The following TIAM2 variants were observed in gnomAD, a reference collection of about 807,000 sequenced individuals.
TIAM2 encodes TIAM Rac1 associated GEF 2, also known as rho guanine nucleotide exchange factor TIAM2.
In TIAM2, 80 loss-of-function variants were observed where a neutral mutation model predicts 152.9. The observed-to-expected ratio is 0.52, with a 90% CI of 0.44 to 0.63. The LOEUF is 0.63. Among genes scored for constraint, TIAM2 ranks in the 30% least tolerant of loss-of-function variants. The pLI, the probability that TIAM2 is intolerant of heterozygous loss-of-function variation, is 0.00. For missense variants in TIAM2, 1,965 were observed against 2,120.1 expected, an observed-to-expected ratio of 0.93 and a Z score of 1.44; for synonymous variants, 804 against 838.0, an observed-to-expected ratio of 0.96 and a Z score of 0.70.
At chr6:155,130,810 C>G (rs1183318426) in intron 4 of TIAM2, among the ~76,000 whole-genome samples, 1 of 152,164 alleles carries the variant, frequency 6.6e-6, no homozygotes, top group Non-Finnish European at 1.5e-5. Context: ...CTCACTGTGT[C>G]CTCATGCGGC....
At chr6:155,180,573 A>G (rs569769128) in intron 12 of TIAM2, among the ~76,000 whole-genome samples, 15 of 152,230 alleles carry the variant, frequency 9.9e-5, no homozygotes, top group African/African-American at 2.9e-4. Flanking sequence ...AAAAATTTGT[A>G]TAATCTTTTC....
rs887038821 is a variant in TIAM2, at chr6:155,153,001, T to G, written c.2028+4667T>G. The stretch of plus-strand genomic sequence containing the variant: ...GGTTACTTGAACATAAACCCTTACA[T>G]AAATCCAGGGGTCTGGATGGTCAGG... On this transcript the variant is annotated intron_variant, in intron 7 of 26. Coordinates refer to ENST00000682666, the MANE Select transcript of TIAM2 (RefSeq NM_012454.4). 1.3e-4 allele frequency among the ~76,000 whole-genome samples: 20 copies of G among 152,222 alleles called. 1 individual carries two copies. The highest frequency in any genetic ancestry group is 1.6e-4 in the Non-Finnish European group (11 of 68,032).
intron 7 of TIAM2, among the ~76,000 whole-genome samples, chr6:155,152,327 A>T (rs149155108): frequency 2.0e-5 from 3 of 152,322 alleles, no homozygotes; most frequent in East Asian, 3.9e-4. Context: ...GACATTGCTG[A>T]GGGAGAGCTG....
At chr6:155,097,285 C>G (rs1778435777) in intron 2 of TIAM2, among the ~76,000 whole-genome samples, 1 of 152,096 alleles carries the variant, frequency 6.6e-6, no homozygotes, top group African/African-American at 2.4e-5. Flanking sequence ...GATATTTTCT[C>G]CCATTTTGTG....
chr6:155,082,328 G>A (rs542250169), intron 1 of TIAM2, among the ~76,000 whole-genome samples: 39 of 151,820 alleles, frequency 2.6e-4, no homozygotes, highest in African/African-American at 8.9e-4. Context: ...GGGCAGCAGA[G>A]CAAGACCCTG....
At chr6:155,091,929 G>A (rs1054412918) in intron 2 of TIAM2, among the ~76,000 whole-genome samples, 4 of 152,122 alleles carry the variant, frequency 2.6e-5, no homozygotes, top group Non-Finnish European at 5.9e-5. Flanking sequence ...ACAGCGACGC[G>A]CTCTGTTGCC....
intron 1 of TIAM2, among the ~76,000 whole-genome samples, chr6:155,077,585 G>A (rs1777988053): frequency 6.6e-6 from 1 of 152,158 alleles, no homozygotes; most frequent in South Asian, 2.1e-4. Context: ...GTTTTTATTA[G>A]TGCTGCTTAC....
At chr6:155,014,391 ATTATG>A (rs759622699) in intron 1 of TIAM2, among the ~76,000 whole-genome samples, 11 of 152,130 alleles carry the variant, frequency 7.2e-5, no homozygotes, top group Non-Finnish European at 1.5e-4. Flanking sequence ...TTACTACAGT[ATTATG>A]TTAAGTAGTT....
At chr6:155,103,457 C>T (rs1490690828) in intron 2 of TIAM2, among the ~76,000 whole-genome samples, 1 of 152,148 alleles carries the variant, frequency 6.6e-6, no homozygotes, top group Non-Finnish European at 1.5e-5. Context: ...GGCGCGGTAG[C>T]TCACGCCTGT....
Position 155,192,281 on chromosome 6 carries a change from G to T in TIAM2, c.3064+8781G>T, listed in dbSNP as rs191504251. Among the ~76,000 whole-genome samples the T allele has an allele frequency of 1.1e-3, 171 of 152,068 alleles. 1 individual carries two copies. Among genetic ancestry groups the T allele is most frequent in the Admixed American group, 4.2e-3 (64 of 15,276 alleles). ...GTAATAAACTGAGTTTACATGTCAA[G>T]CACCATGTTTGATGGCAGAAATACA... On this transcript the variant is annotated intron_variant, in intron 14 of 26. Transcript: ENST00000682666.
At chr6:155,251,892 C>T (rs1783678303) in intron 22 of TIAM2, 53 bp from the exon 23 acceptor site, 1 of 1,432,880 alleles carries the variant, frequency 7.0e-7, no homozygotes, top group Non-Finnish European at 9.7e-7. Context: ...CTAGTTTAAC[C>T]TTGGAAGAGT....
chr6:155,249,562 T>G (rs1232225542), intron 20 of TIAM2, among the ~76,000 whole-genome samples: 2 of 152,240 alleles, frequency 1.3e-5, no homozygotes, highest in Admixed American at 6.5e-5. Flanking sequence ...TCGTGATCCT[T>G]GCTAAGTAGA....
chr6:155,148,451 C>A, intron 7 of TIAM2, 117 bp downstream of exon 7: 1 of 1,018,880 alleles, frequency 9.8e-7, no homozygotes, highest in Non-Finnish European at 1.4e-6. Flanking sequence ...GTATTTCTTA[C>A]ACCCTGGGGG....
chr6:155,115,396 C>T lies in TIAM2; in HGVS notation c.-117-12094C>T, dbSNP rs183873814. Reference sequence around the variant, plus strand: ...TGGTGGCTCACACTTATAATCCCAGCGCTTTGGGAGGCCAAGGCAGGAGGA... The same window carrying T: ...TGGTGGCTCACACTTATAATCCCAGTGCTTTGGGAGGCCAAGGCAGGAGGA... On this transcript the variant is annotated intron_variant, in intron 2 of 26. Coordinates refer to ENST00000682666, the MANE Select transcript of TIAM2 (RefSeq NM_012454.4). 6.1e-4 allele frequency among the ~76,000 whole-genome samples: 93 copies of T among 151,704 alleles called. 2 individuals are homozygous for T. The East Asian group carries it at 0.014, about 22-fold the overall frequency.
chr6:155,036,679 A>G (rs992107957), intron 1 of TIAM2, among the ~76,000 whole-genome samples: 1 of 151,372 alleles, frequency 6.6e-6, no homozygotes, highest in Admixed American at 6.6e-5. Flanking sequence ...GTGCAATGGC[A>G]TGATCTCGGC....
At chr6:155,173,647 T>C (rs1220910033) in intron 9 of TIAM2, among the ~76,000 whole-genome samples, 1 of 152,178 alleles carries the variant, frequency 6.6e-6, no homozygotes, top group Non-Finnish European at 1.5e-5. Context: ...CACTGAAGTT[T>C]TGGGTGTGTC....
At position 155,105,588 on chromosome 6, in the gene TIAM2, G is replaced by C. The variant is rs532980408; in HGVS notation, c.-118+15209G>C. On this transcript the variant is annotated intron_variant, in intron 2 of 26. Coordinates refer to ENST00000682666, the MANE Select transcript of TIAM2 (RefSeq NM_012454.4). ...TTGGACCACAGGTGTGCACTCCCAGGCTTGGCTAATTTTTTTTTTTTTCTG... is the reference window on the plus strand; with the variant it reads ...TTGGACCACAGGTGTGCACTCCCAGCCTTGGCTAATTTTTTTTTTTTTCTG... Among the ~76,000 whole-genome samples the C allele has an allele frequency of 2.0e-5, 3 of 151,782 alleles. No individual in the cohort carries two copies. In the East Asian group the frequency reaches 5.8e-4, roughly 29 times the overall value.
At chr6:155,102,767 TTGTGTGTGTGTGTGTGTGTGTGTG>T (rs56117781) in intron 2 of TIAM2, among the ~76,000 whole-genome samples, 5 of 145,652 alleles carry the variant, frequency 3.4e-5, no homozygotes, top group African/African-American at 1.0e-4. Context: ...GATTAATTTA[TTGTGTGTGTGTGTGTGTGTGTGTG>T]TGTGTGTGTG....
chr6:154,997,949 C>G (rs533289988), intron 1 of TIAM2, among the ~76,000 whole-genome samples: 2 of 152,108 alleles, frequency 1.3e-5, no homozygotes, highest in Admixed American at 6.6e-5. Context: ...GAAAAGATTA[C>G]TTCTCACGAA....
Sources: allele counts gnomAD v4.1 joint callset (sites outside exome capture counted in the v4.1 genomes callset), GRCh38; gene constraint gnomAD v4.1.1; transcripts MANE v1.5; gene names NCBI Gene and HGNC (gene_info 2026-07-23, HGNC 2026-07-21).